Variants in HIF1AN observed in about 807,000 individuals in gnomAD.
The protein encoded by HIF1AN is hypoxia-inducible factor 1-alpha inhibitor.
Under a neutral mutation model 47.7 loss-of-function variants are expected in HIF1AN, and 21 were observed. That is an observed-to-expected ratio of 0.44 (90% CI 0.31 to 0.63). HIF1AN has a LOEUF of 0.63. HIF1AN is among the 30% of genes least tolerant of loss of function. The pLI is 0.07. For synonymous variants in HIF1AN, 152 were observed against 155.9 expected (o/e 0.98, Z 0.18); for missense variants, 320 against 432.7 (o/e 0.74, Z 2.31).
intron 2 of HIF1AN, among the ~76,000 whole-genome samples, chr10:100,539,009 G>A (rs959203356): frequency 3.1e-4 from 47 of 150,836 alleles, no homozygotes; most frequent in Admixed American, 1.1e-3. Context: ...AGGCTCAAGC[G>A]ATCCTCCCAC....
intron 4 of HIF1AN, 34 bp from the exon 5 acceptor site, chr10:100,545,909 T>A: frequency 7.1e-7 from 1 of 1,403,604 alleles, no homozygotes; most frequent in African/African-American, 1.4e-5. Flanking sequence ...GATTTGGTGA[T>A]TGATATTTTT....
chr10:100,547,477 T>G (rs1459821209), intron 7 of HIF1AN, among the ~76,000 whole-genome samples: 1 of 152,266 alleles, frequency 6.6e-6, no homozygotes, highest in Non-Finnish European at 1.5e-5. Context: ...ATGGGTATTA[T>G]GTACCATCTG....
At chr10:100,540,459 G>T (rs1222324732) in intron 2 of HIF1AN, among the ~76,000 whole-genome samples, 175 bp from the exon 3 acceptor site, 1 of 152,026 alleles carries the variant, frequency 6.6e-6, no homozygotes, top group East Asian at 1.9e-4. Flanking sequence ...CTCAATGAAG[G>T]ATAAGTAAGA....
Position 100,556,277 on chromosome 10 carries a change from A to C in HIF1AN, c.*8140A>C, listed in dbSNP as rs1408561918. On this transcript the variant is annotated 3_prime_UTR_variant, in exon 8 of 8. Coordinates refer to ENST00000299163, the MANE Select transcript of HIF1AN (RefSeq NM_017902.3). ...CCATCAGTGGGGAATGACCTTCCAA[A>C]AATATTTTTAACAATACTAAAAATA... 1 of 152,190 alleles carries C rather than the reference A, an allele frequency of 6.6e-6. No homozygotes were observed. The highest frequency in any genetic ancestry group is 2.4e-5 in the African/African-American group (1 of 41,438). The allele number at this position is 152,190 out of a possible 1,614,324, so 9.4% of individuals were successfully genotyped here.
intron 3 of HIF1AN, among the ~76,000 whole-genome samples, chr10:100,542,304 G>T (rs760497610): frequency 1.3e-5 from 2 of 151,992 alleles, no homozygotes; most frequent in Non-Finnish European, 1.5e-5. Flanking sequence ...TTGTCCCTGT[G>T]AAAGAGGAGA....
At position 100,544,973 on chromosome 10, in the gene HIF1AN, T is replaced by C. The variant is rs142163692; in HGVS notation, c.600T>C (p.Tyr200=). ...GMEGNVTPAH[Y]DEQQNFFAQI... ...CAGGAAATGTGACACCTGCTCACTA[T>C]GATGAGCAGCAGAACTTTTTTGCTC... Residue 200 remains tyrosine (Y), a synonymous_variant, in exon 4 of 8, where the codon TAT becomes TAC. Coordinates refer to ENST00000299163, the MANE Select transcript of HIF1AN (RefSeq NM_017902.3). 6.2e-7 allele frequency: 1 copy of C among 1,614,120 alleles called. No homozygotes were observed. The highest frequency in any genetic ancestry group is 8.5e-7 in the Non-Finnish European group (1 of 1,180,042).
At chr10:100,539,309 T>C (rs985073390) in intron 2 of HIF1AN, among the ~76,000 whole-genome samples, 23 of 152,120 alleles carry the variant, frequency 1.5e-4, no homozygotes, top group African/African-American at 5.1e-4. Flanking sequence ...TGCACACTTA[T>C]TAAATGTCTC....
At chr10:100,546,337 C>T (rs1221066115) in intron 5 of HIF1AN, among the ~76,000 whole-genome samples, 181 bp from the exon 6 acceptor site, 2 of 152,150 alleles carry the variant, frequency 1.3e-5, no homozygotes, top group Middle Eastern at 3.4e-3. Context: ...AACACCAGTA[C>T]CTCTAACCCC....
intron 2 of HIF1AN, among the ~76,000 whole-genome samples, chr10:100,539,155 C>T (rs531391767): frequency 6.6e-6 from 1 of 152,268 alleles, no homozygotes; most frequent in South Asian, 2.1e-4. Context: ...TGGTCTCGAA[C>T]TCCTGAGCTT....
rs565580496 is a variant in HIF1AN at position 100,551,327 on chromosome 10, T to C, written c.*3190T>C. 2 of 152,318 alleles carry C rather than the reference T, an allele frequency of 1.3e-5. No individual in the cohort carries two copies. Among genetic ancestry groups the C allele is most frequent in the South Asian group, 4.1e-4 (2 of 4,828 alleles). The allele number at this position is 152,318 out of a possible 1,614,324, so 9.4% of individuals were successfully genotyped here. A position where few individuals can be genotyped will look rare whatever the true frequency, so the allele number is the denominator to read the frequency against. On this transcript the variant is annotated 3_prime_UTR_variant, in exon 8 of 8. Coordinates refer to ENST00000299163, the MANE Select transcript of HIF1AN (RefSeq NM_017902.3). ...AGACACAGGATGAAGGAAAAGAAATTTGACAATTAGGAATGAGCGATCATT... is the reference window on the plus strand; with the variant it reads ...AGACACAGGATGAAGGAAAAGAAATCTGACAATTAGGAATGAGCGATCATT...
chr10:100,538,611 A>C (rs1029160373), intron 2 of HIF1AN, among the ~76,000 whole-genome samples: 6 of 152,120 alleles, frequency 3.9e-5, no homozygotes, highest in African/African-American at 1.4e-4. Flanking sequence ...ACCTGAGGTC[A>C]GGAGTTCGAG....
chr10:100,547,254 G>A lies in HIF1AN; in HGVS notation c.1005+4G>A, dbSNP rs1843102882. 6.2e-7 allele frequency: 1 copy of A among 1,601,436 alleles called. No homozygotes were observed. Among genetic ancestry groups the A allele is most frequent in the African/African-American group, 1.3e-5 (1 of 74,668 alleles). On this transcript the variant is annotated splice_donor_region_variant and intron_variant, in intron 7 of 7. Transcript: ENST00000299163. ...GGCCTTGGGGAACCCACAAGAGGTA[G>A]GTGACTGCCCCAAGGTGGCTCAGTG...
intron 4 of HIF1AN, chr10:100,545,360 C>G (rs1564663384): frequency 4.9e-6 from 2 of 410,298 alleles, no homozygotes; most frequent in Non-Finnish European, 8.7e-6. Context: ...ACTCTGGTTA[C>G]TCTGTTTGAT....
At position 100,547,111 on chromosome 10, in the gene HIF1AN, C is replaced by T. The variant is rs201775574; in HGVS notation, c.895-29C>T. ...TGACACTGACGCCTGCTGCTAAAGG[C>T]ATTTCCTGAGCTACTGCTTCCTTTG... On this transcript the variant is annotated intron_variant, in intron 6 of 7. Transcript: ENST00000299163. 1.0e-4 allele frequency: 158 copies of T among 1,510,606 alleles called. No homozygotes were observed. The East Asian group carries it at 1.6e-3, about 15-fold the overall frequency. 93.6% of individuals were successfully genotyped at this position (1,510,606 alleles called of 1,614,324 possible).
chr10:100,545,924 T>A lies in HIF1AN; in HGVS notation c.724-19T>A. On this transcript the variant is annotated intron_variant, in intron 4 of 7. Coordinates refer to ENST00000299163, the MANE Select transcript of HIF1AN (RefSeq NM_017902.3). ...GATTTGGTGATTGATATTTTTTTTC[T>A]TTCTCTTGAACCTCTTAGGTGGACT... 1 of 1,551,730 alleles carries A rather than the reference T, an allele frequency of 6.4e-7. No individual in the cohort carries two copies. Among genetic ancestry groups the A allele is most frequent in the South Asian group, 1.1e-5 (1 of 89,052 alleles).
chr10:100,547,817 T>G (rs546954261), intron 7 of HIF1AN, among the ~76,000 whole-genome samples: 1 of 152,274 alleles, frequency 6.6e-6, no homozygotes, highest in Non-Finnish European at 1.5e-5. Context: ...GATTATTAGC[T>G]TCTCTGACCA....
chr10:100,543,836 G>A lies in HIF1AN; in HGVS notation c.578-1115G>A, dbSNP rs560424158. The stretch of plus-strand genomic sequence containing the variant: ...ATCCCCCGCCTTGGCCTCCCAAAGT[G>A]CTGGCATTACAGGCGTGAGCCGCTG... On this transcript the variant is annotated intron_variant, in intron 3 of 7. Transcript: ENST00000299163. Among the ~76,000 whole-genome samples, 8 of 152,334 alleles carry A rather than the reference G, an allele frequency of 5.3e-5. No homozygotes were observed. The South Asian group carries it at 1.7e-3, about 32-fold the overall frequency.
chr10:100,544,818 A>C, intron 3 of HIF1AN, 133 bp from the exon 4 acceptor site: 3 of 766,036 alleles, frequency 3.9e-6, no homozygotes, highest in Non-Finnish European at 6.4e-6. Context: ...AATTTCCCTG[A>C]TTCTGCCTAA....
chr10:100,557,870 ATTTC>A lies in HIF1AN; in HGVS notation c.*9736_*9739del. On this transcript the variant is annotated 3_prime_UTR_variant, in exon 8 of 8. Coordinates refer to ENST00000299163, the MANE Select transcript of HIF1AN (RefSeq NM_017902.3). ...AGTAAATGTTAGTTTCTTTTCCTCCATTTCTTCTTAGGAAGCATCGTTTACCCAG... is the reference window on the plus strand; with the variant it reads ...AGTAAATGTTAGTTTCTTTTCCTCCATTCTTAGGAAGCATCGTTTACCCAG... The A allele has an allele frequency of 1.3e-5, 2 of 152,306 alleles. 1 individual carries two copies. The allele number at this position is 152,306 out of a possible 1,614,324, so 9.4% of individuals were successfully genotyped here.
Sources: gnomAD v4.1 joint callset for allele counts (sites outside exome capture counted in the v4.1 genomes callset) on GRCh38, gnomAD v4.1.1 for gene constraint, MANE v1.5 for transcripts, NCBI Gene and HGNC (gene_info 2026-07-23, HGNC 2026-07-21) for gene names.